Variants in IGFL2 observed in about 807,000 individuals in gnomAD.
IGFL2 encodes the protein IGF like family member 2, also known as insulin growth factor-like family member 2.
In IGFL2, 7 loss-of-function variants were observed where a neutral mutation model predicts 13.9. The observed-to-expected ratio is 0.51, with a 90% CI of 0.29 to 0.95. The LOEUF is 0.95. Ranked by LOEUF, IGFL2 falls within the 40% of genes least tolerant of loss-of-function variation. The pLI is 0.08. For missense variants in IGFL2, 138 were observed against 147.8 expected (o/e 0.93, Z 0.34); for synonymous variants, 55 against 55.8 (o/e 0.99, Z 0.07).
the IGFL2 span, among the ~76,000 whole-genome samples, chr19:46,138,009 T>A: frequency 1.3e-5 from 2 of 152,256 alleles, no homozygotes; most frequent in Non-Finnish European, 2.9e-5. Context: ...AGCTTCTGAA[T>A]TCTGTCTGTT....
chr19:46,197,501 G>T, the IGFL2 span, among the ~76,000 whole-genome samples: 1 of 151,752 alleles, frequency 6.6e-6, no homozygotes, highest in East Asian at 1.9e-4. Flanking sequence ...TGGCTCTCCT[G>T]TCCTCCTTTC....
chr19:46,083,602 A>G, the IGFL2 span, among the ~76,000 whole-genome samples: 1 of 152,216 alleles, frequency 6.6e-6, no homozygotes, highest in African/African-American at 2.4e-5. Context: ...AAGAAAATAT[A>G]TTACTTTATT....
downstream of IGFL2, among the ~76,000 whole-genome samples, chr19:46,162,742 C>G (rs1431278820): frequency 1.3e-5 from 2 of 152,142 alleles, no homozygotes; most frequent in African/African-American, 4.8e-5. Context: ...TTTTGCCATC[C>G]TCCTGAATTT....
At chr19:46,181,645 C>T in the IGFL2 span, among the ~76,000 whole-genome samples, 2 of 152,344 alleles carry the variant, frequency 1.3e-5, no homozygotes, top group Admixed American at 6.5e-5. Context: ...CAGCTTTAGA[C>T]GTCCCTGTGA....
the IGFL2 span, among the ~76,000 whole-genome samples, chr19:46,183,367 TC>T: frequency 6.6e-6 from 1 of 151,936 alleles, no homozygotes; most frequent in Non-Finnish European, 1.5e-5. Context: ...TCTCCCAGTT[TC>T]CATTCTCTCT....
upstream of IGFL2, among the ~76,000 whole-genome samples, chr19:46,142,389 G>A (rs1382245465): frequency 6.6e-6 from 1 of 152,162 alleles, no homozygotes; most frequent in Non-Finnish European, 1.5e-5. Context: ...AAGCTTTCTA[G>A]CAGTCTATCC....
upstream of IGFL2, among the ~76,000 whole-genome samples, chr19:46,145,203 TC>T (rs1396549467): frequency 2.0e-5 from 3 of 152,208 alleles, no homozygotes; most frequent in Admixed American, 6.5e-5. Context: ...AAAATGTTTT[TC>T]GGGGTTATAT....
the IGFL2 span, among the ~76,000 whole-genome samples, chr19:46,191,404 A>G: frequency 6.6e-6 from 1 of 152,152 alleles, no homozygotes; most frequent in Admixed American, 6.6e-5. Context: ...TTTGGCCTCA[A>G]CCTGAGCTGG....
At chr19:46,176,053 C>A in the IGFL2 span, among the ~76,000 whole-genome samples, 2 of 127,332 alleles carry the variant, frequency 1.6e-5, no homozygotes, top group African/African-American at 3.1e-5. Flanking sequence ...CGGGGTTTCA[C>A]CACGTTGGTC....
At chr19:46,169,432 G>A in the IGFL2 span, among the ~76,000 whole-genome samples, 1 of 152,076 alleles carries the variant, frequency 6.6e-6, no homozygotes, top group African/African-American at 2.4e-5. Flanking sequence ...CAAAAATAAT[G>A]CCACTCAAAA....
the IGFL2 span, among the ~76,000 whole-genome samples, chr19:46,107,499 A>G: frequency 6.6e-6 from 1 of 152,220 alleles, no homozygotes; most frequent in Admixed American, 6.5e-5. Flanking sequence ...CCAGATTTCC[A>G]GCACTTGAAG....
the IGFL2 span, chr19:46,200,759 A>G: frequency 6.6e-6 from 1 of 151,862 alleles, no homozygotes; most frequent in Non-Finnish European, 1.5e-5. Flanking sequence ...GGCCTCAAGC[A>G]ATTCTTCCTC....
chr19:46,202,812 G>T, the IGFL2 span: 1 of 152,174 alleles, frequency 6.6e-6, no homozygotes, highest in African/African-American at 2.4e-5. Context: ...AGAGAGGTTG[G>T]AGAAGAGAAT....
At chr19:46,100,358 C>G in the IGFL2 span, among the ~76,000 whole-genome samples, 17 of 152,040 alleles carry the variant, frequency 1.1e-4, no homozygotes, top group Non-Finnish European at 2.2e-4. Flanking sequence ...AAGGATGCAC[C>G]CGGGAAACAG....
chr19:46,184,106 C>T, the IGFL2 span, among the ~76,000 whole-genome samples: 1 of 152,142 alleles, frequency 6.6e-6, no homozygotes, highest in Non-Finnish European at 1.5e-5. Flanking sequence ...TTATTGGACA[C>T]ACTTCTAATT....
At chr19:46,179,961 A>C in the IGFL2 span, among the ~76,000 whole-genome samples, 3 of 152,222 alleles carry the variant, frequency 2.0e-5, no homozygotes, top group East Asian at 5.8e-4. Flanking sequence ...TGGGGGTGGC[A>C]GAGATTATAG....
the IGFL2 span, among the ~76,000 whole-genome samples, chr19:46,109,907 G>T: frequency 6.6e-6 from 1 of 152,100 alleles, no homozygotes; most frequent in Non-Finnish European, 1.5e-5. Context: ...GTTGCTTCAG[G>T]CCATCTGGAT....
At chr19:46,137,625 C>A in the IGFL2 span, 2 of 866,244 alleles carry the variant, frequency 2.3e-6, no homozygotes, top group Non-Finnish European at 3.7e-6. Flanking sequence ...TGCAGAGGAG[C>A]AGGACCCTGC....
the IGFL2 span, among the ~76,000 whole-genome samples, chr19:46,110,689 G>T: frequency 6.6e-6 from 1 of 152,144 alleles, no homozygotes; most frequent in African/African-American, 2.4e-5. Context: ...GTAGGTGTTT[G>T]TTTTAAGCAT....
Sources: gnomAD v4.1 joint callset for allele counts (sites outside exome capture counted in the v4.1 genomes callset) on GRCh38, gnomAD v4.1.1 for gene constraint, MANE v1.5 for transcripts, NCBI Gene and HGNC (gene_info 2026-07-23, HGNC 2026-07-21) for gene names.